Variants in ZFAT observed in about 807,000 individuals in gnomAD.
ZFAT encodes the protein zinc finger and AT-hook domain containing, also known as zinc finger protein ZFAT.
ZFAT carries 64 observed loss-of-function variants against 117.7 expected under a neutral mutation model. The ratio of observed to expected loss-of-function variants is 0.54; its 90% CI spans 0.44 to 0.67. The LOEUF is 0.67. ZFAT is among the 30% of genes least tolerant of loss of function. The pLI is 0.00. For synonymous variants in ZFAT, 679 were observed against 615.0 expected (o/e 1.10, Z -1.54); for missense variants, 1,433 against 1,584.5 (o/e 0.90, Z 1.62).
chr8:134,749,770 G>A, the ZFAT span, among the ~76,000 whole-genome samples: 3 of 152,158 alleles, frequency 2.0e-5, no homozygotes, highest in Admixed American at 6.5e-5. Flanking sequence ...TTCTGTCATA[G>A]ATCAAGCCCA....
intron 8 of ZFAT, 65 bp from the exon 9 acceptor site, chr8:134,588,460 C>T: frequency 6.7e-7 from 1 of 1,484,940 alleles, no homozygotes; most frequent in East Asian, 2.5e-5. Context: ...CATAAATAAA[C>T]CTCATTGCTA....
chr8:134,742,790 G>T, the ZFAT span, among the ~76,000 whole-genome samples: 1 of 152,156 alleles, frequency 6.6e-6, no homozygotes, highest in South Asian at 2.1e-4. Flanking sequence ...TCTGGAGCTG[G>T]GCTAGGGTAT....
At chr8:134,815,327 C>G in the ZFAT span, among the ~76,000 whole-genome samples, 99 of 152,234 alleles carry the variant, frequency 6.5e-4, 1 homozygote, top group African/African-American at 2.3e-3. Flanking sequence ...CTCTAGATAA[C>G]CTAGACTTGC....
the ZFAT span, among the ~76,000 whole-genome samples, chr8:134,761,003 A>T: frequency 2.6e-5 from 4 of 152,218 alleles, no homozygotes; most frequent in African/African-American, 7.2e-5. Flanking sequence ...ACCGGAAGGG[A>T]TCACATGTTA....
intron 13 of ZFAT, among the ~76,000 whole-genome samples, chr8:134,519,649 T>C (rs1227392912): frequency 9.2e-5 from 14 of 152,230 alleles, no homozygotes; most frequent in Admixed American, 9.2e-4. Context: ...TTTTATTTCT[T>C]TCCTTCCAGT....
At chr8:134,577,032 T>C (rs1224205642) in intron 10 of ZFAT, among the ~76,000 whole-genome samples, 1 of 152,206 alleles carries the variant, frequency 6.6e-6, no homozygotes, top group East Asian at 1.9e-4. Flanking sequence ...ACCTTCCCCA[T>C]CTGCTATGGG....
Position 134,478,387 on chromosome 8 carries a change from A to T in ZFAT, c.*95T>A. 1 of 1,479,636 alleles carries T rather than the reference A, an allele frequency of 6.8e-7. No homozygotes were observed. Among genetic ancestry groups the T allele is most frequent in the Non-Finnish European group, 9.0e-7 (1 of 1,111,508 alleles). The allele number at this position is 1,479,636 out of a possible 1,614,324, so 91.7% of individuals were successfully genotyped here. On this transcript the variant is annotated 3_prime_UTR_variant, in exon 16 of 16. Transcript: ENST00000377838. The surrounding 1 kb of genome is among the most constrained non-coding windows in gnomAD (Gnocchi z 5.2). ...GGCAGGGAGGGCAAAGGAGAGCACC[A>T]TTCTGCGGGTAGGGCAGGAAGGGTG...
chr8:134,557,717 T>C lies in ZFAT; in HGVS notation c.2976+7616A>G, dbSNP rs537234785. On this transcript the variant is annotated intron_variant, in intron 11 of 15. Transcript: ENST00000377838. The stretch of plus-strand genomic sequence containing the variant: ...AGAAGCAAATAACTTATACAACACA[T>C]AGAAAACAGACACCAAGATCATACT... Among the ~76,000 whole-genome samples, 9 of 152,210 alleles carry C rather than the reference T, an allele frequency of 5.9e-5. No individual in the cohort carries two copies. The South Asian group carries it at 1.9e-3, about 32-fold the overall frequency.
the ZFAT span, among the ~76,000 whole-genome samples, chr8:134,814,197 T>C: frequency 6.6e-6 from 1 of 152,198 alleles, no homozygotes; most frequent in Admixed American, 6.5e-5. Context: ...ATTCAGAATA[T>C]GTTATAACAT....
At chr8:134,772,800 C>G in the ZFAT span, among the ~76,000 whole-genome samples, 1 of 152,114 alleles carries the variant, frequency 6.6e-6, no homozygotes, top group African/African-American at 2.4e-5. Context: ...GTGGCCCACA[C>G]CTGTAATCTC....
At chr8:134,490,115 A>C (rs1456931740) in intron 15 of ZFAT, among the ~76,000 whole-genome samples, 2 of 152,208 alleles carry the variant, frequency 1.3e-5, no homozygotes, top group Non-Finnish European at 2.9e-5. Context: ...AGAGCCCTTA[A>C]GCGACTTCTT....
intron 5 of ZFAT, among the ~76,000 whole-genome samples, chr8:134,604,942 T>C (rs1194383226): frequency 6.6e-6 from 1 of 152,246 alleles, no homozygotes; most frequent in Non-Finnish European, 1.5e-5. Context: ...TTCATAACAT[T>C]AATTAAATAA....
chr8:134,717,473 T>TTTTTTTTTG (rs1814224777), upstream of ZFAT, among the ~76,000 whole-genome samples: 1 of 57,778 alleles, frequency 1.7e-5, no homozygotes, highest in Non-Finnish European at 3.1e-5. Context: ...ACTCTTTTTT[T>TTTTTTTTTG]TTTTTTTTTT....
chr8:134,653,165 TCATTA>T (rs1831356887), intron 2 of ZFAT, among the ~76,000 whole-genome samples: 1 of 146,130 alleles, frequency 6.8e-6, no homozygotes, highest in African/African-American at 2.6e-5. Flanking sequence ...GTTTTTTTTT[TCATTA>T]TTATTATTAT....
chr8:134,820,984 G>C, the ZFAT span, among the ~76,000 whole-genome samples: 1 of 152,186 alleles, frequency 6.6e-6, no homozygotes, highest in Non-Finnish European at 1.5e-5. Context: ...ATAATGATGA[G>C]ATGAGCATGA....
At chr8:134,635,683 G>A (rs1175190406) in intron 3 of ZFAT, among the ~76,000 whole-genome samples, 3 of 151,972 alleles carry the variant, frequency 2.0e-5, no homozygotes, top group African/African-American at 7.3e-5. Context: ...GAGAGAGTGT[G>A]CATGCACGCA....
intron 1 of ZFAT, among the ~76,000 whole-genome samples, chr8:134,701,622 CAACA>C (rs1834009999): frequency 6.6e-6 from 1 of 152,158 alleles, no homozygotes; most frequent in South Asian, 2.1e-4. Flanking sequence ...TTTTACATTC[CAACA>C]AACAGTGAAC....
intron 1 of ZFAT, among the ~76,000 whole-genome samples, chr8:134,697,564 A>G (rs1315007075): frequency 6.6e-6 from 1 of 150,512 alleles, no homozygotes; most frequent in Non-Finnish European, 1.5e-5. Context: ...CGTCTCTACT[A>G]AAAATACAAA....
intron 1 of ZFAT, among the ~76,000 whole-genome samples, chr8:134,693,454 C>T (rs988450267): frequency 2.6e-5 from 4 of 152,116 alleles, no homozygotes; most frequent in East Asian, 3.8e-4. Flanking sequence ...GAAAAGAGAA[C>T]GTTCTTCCTT....
Sources: allele counts gnomAD v4.1 joint callset (sites outside exome capture counted in the v4.1 genomes callset), GRCh38; gene constraint gnomAD v4.1.1; non-coding constraint Gnocchi (gnomAD v3.1); transcripts MANE v1.5; gene names NCBI Gene and HGNC (gene_info 2026-07-23, HGNC 2026-07-21).